Variants in HDAC2 observed in about 807,000 individuals in gnomAD.
HDAC2 encodes the protein YY1-associated factor 1.
Under a neutral mutation model 68.5 loss-of-function variants are expected in HDAC2, and 5 were observed. The observed-to-expected ratio is 0.07, with a 90% confidence interval of 0.04 to 0.15. HDAC2 has a LOEUF of 0.15. Among genes scored for constraint, HDAC2 ranks in the 10% least tolerant of loss-of-function variants. The pLI is 1.00. For synonymous variants in HDAC2, 182 were observed against 191.3 expected, an observed-to-expected ratio of 0.95 and a Z score of 0.40; for missense variants, 291 against 600.8, an observed-to-expected ratio of 0.48 and a Z score of 5.39.
chr6:113,968,867 C>A (rs2114625897), intron 1 of HDAC2, among the ~76,000 whole-genome samples: 1 of 152,292 alleles, frequency 6.6e-6, no homozygotes. Context: ...CTCAAGTGTA[C>A]CCTCCTGGTT....
At chr6:113,964,910 C>T (rs1459964463) in intron 1 of HDAC2, among the ~76,000 whole-genome samples, 1 of 152,188 alleles carries the variant, frequency 6.6e-6, no homozygotes, top group African/African-American at 2.4e-5. Context: ...TTCCTCAGCT[C>T]CAACTCCATT....
chr6:113,965,816 G>C (rs1776800645), intron 1 of HDAC2, among the ~76,000 whole-genome samples: 1 of 152,184 alleles, frequency 6.6e-6, no homozygotes. Context: ...ACAATAAGCA[G>C]ACTGCTACTG....
At chr6:113,956,548 T>C in intron 4 of HDAC2, 71 bp downstream of exon 4, 4 of 1,054,832 alleles carry the variant, frequency 3.8e-6, no homozygotes, top group Non-Finnish European at 5.9e-6. Context: ...ACTTCTGTTT[T>C]ACACAAATAA....
Position 113,958,694 on chromosome 6 carries a change from T to C in HDAC2, c.238A>G (p.Ile80Val). Residue 80 changes from isoleucine (I) to valine (V), a missense_variant, in exon 3 of 14, where the codon ATA becomes GTA. By Grantham distance (29) the Ile-to-Val change is conservative. This residue lies in a region of HDAC2 where 154 missense variants were observed against 472.1 expected (regional missense o/e 0.33). Coordinates refer to ENST00000519065, the MANE Select transcript of HDAC2 (RefSeq NM_001527.4). ...SDEYIKFLRS[I>V]RPDNMSEYSK... is the part of the protein sequence containing the mutation. ...TACTCAGACATGTTATCTGGTCTTA[T>C]TGACCGTAGAAATTTGATATACTCA... The C allele has an allele frequency of 1.2e-6, 2 of 1,607,832 alleles. No homozygotes were observed. The highest frequency in any genetic ancestry group is 8.5e-7 in the Non-Finnish European group (1 of 1,175,426).
At chr6:113,942,432 T>TAAAA (rs5879239) in intron 12 of HDAC2, among the ~76,000 whole-genome samples, 11 of 141,644 alleles carry the variant, frequency 7.8e-5, no homozygotes, top group Non-Finnish European at 1.2e-4. Context: ...CTCTCTAGTT[T>TAAAA]AAAAAAAAAA....
At chr6:113,951,363 A>T (rs1764476736) in intron 6 of HDAC2, among the ~76,000 whole-genome samples, 1 of 152,186 alleles carries the variant, frequency 6.6e-6, no homozygotes, top group Admixed American at 6.5e-5. Flanking sequence ...AAGTCCAAAA[A>T]CAGCTGTACA....
In HDAC2 at chr6:113,945,477, A is replaced by C; in HGVS notation, c.983-7T>G. 1 of 1,260,518 alleles carries C rather than the reference A, an allele frequency of 7.9e-7. No individual in the cohort carries two copies. 78.1% of individuals were successfully genotyped at this position (1,260,518 alleles called of 1,614,324 possible). A position where few individuals can be genotyped will look rare whatever the true frequency, so the allele number is the denominator to read the frequency against. ...TAATCATTATATGGCAACTCTAATGAAAACAATAAAATAAAGTTACATATT... is the reference window on the plus strand; with the variant it reads ...TAATCATTATATGGCAACTCTAATGCAAACAATAAAATAAAGTTACATATT... On this transcript the variant is annotated splice_polypyrimidine_tract_variant and splice_region_variant and intron_variant, in intron 9 of 13. Transcript: ENST00000519065.
chr6:113,964,397 G>A (rs1209412836), intron 1 of HDAC2, among the ~76,000 whole-genome samples: 5 of 151,626 alleles, frequency 3.3e-5, no homozygotes, highest in Non-Finnish European at 7.4e-5. Flanking sequence ...TGAGACATTC[G>A]GAGCCTTGGC....
intron 6 of HDAC2, among the ~76,000 whole-genome samples, chr6:113,951,587 C>A (rs1419086878): frequency 6.6e-6 from 1 of 151,830 alleles, no homozygotes; most frequent in African/African-American, 2.4e-5. Context: ...CCTGCCTCAG[C>A]CTCCCCAGTA....
intron 5 of HDAC2, among the ~76,000 whole-genome samples, chr6:113,953,690 C>T (rs1164862553): frequency 1.3e-5 from 2 of 152,144 alleles, no homozygotes. Context: ...GCACATATTT[C>T]TAATATATTA....
At chr6:113,966,388 TA>T (rs1426083314) in intron 1 of HDAC2, among the ~76,000 whole-genome samples, 1 of 151,564 alleles carries the variant, frequency 6.6e-6, no homozygotes, top group African/African-American at 2.4e-5. Flanking sequence ...CCATCTCTAC[TA>T]AAAAATACAA....
intron 11 of HDAC2, among the ~76,000 whole-genome samples, 157 bp downstream of exon 11, chr6:113,944,123 C>T (rs9481408): frequency 0.29 from 44,158 of 152,094 alleles, 6,538 homozygotes; most frequent in East Asian, 0.37. Context: ...AAATCAGGTT[C>T]TGAGACATCA....
At chr6:113,970,695 G>C in intron 1 of HDAC2, 162 bp downstream of exon 1, 2 of 1,369,042 alleles carry the variant, frequency 1.5e-6, no homozygotes, top group Non-Finnish European at 1.9e-6. Context: ...CAGGAAGAGG[G>C]TCTCGTTCTA....
At position 113,960,123 on chromosome 6, in the gene HDAC2, AATTT is replaced by A; in HGVS notation, c.53-109_53-106del. The A allele has an allele frequency of 7.3e-6, 5 of 684,184 alleles. No homozygotes were observed. In the East Asian group the frequency reaches 1.3e-4, roughly 18 times the overall value. The allele number at this position is 684,184 out of a possible 1,614,324, so 42.4% of individuals were successfully genotyped here. The stretch of plus-strand genomic sequence containing the variant: ...TTAGAAGGCATTTACTACTTAACAA[AATTT>A]ATTTAAAACCTTAGCAACTTAGATT... On this transcript the variant is annotated intron_variant, in intron 1 of 13. Transcript: ENST00000519065.
At chr6:113,964,761 G>C (rs564486889) in intron 1 of HDAC2, among the ~76,000 whole-genome samples, 29 of 152,238 alleles carry the variant, frequency 1.9e-4, no homozygotes, top group African/African-American at 6.5e-4. Flanking sequence ...CTTTTCACTT[G>C]AATTCAATAA....
intron 2 of HDAC2, 24 bp downstream of exon 2, chr6:113,959,882 A>G (rs1479963350): frequency 1.0e-6 from 1 of 955,164 alleles, no homozygotes; most frequent in East Asian, 2.4e-5. Context: ...TCAGTGCTGA[A>G]TATGTATTAA....
chr6:113,962,212 G>T (rs183456704), intron 1 of HDAC2, among the ~76,000 whole-genome samples: 35 of 152,076 alleles, frequency 2.3e-4, no homozygotes, highest in Admixed American at 2.2e-3. Context: ...TATTCCTATT[G>T]TATAATAGTA....
chr6:113,952,325 T>G (rs191105488), intron 6 of HDAC2, among the ~76,000 whole-genome samples: 57 of 152,288 alleles, frequency 3.7e-4, no homozygotes, highest in Middle Eastern at 6.8e-3. Context: ...AACCAAACAT[T>G]TGACCTCCCA....
chr6:113,956,671 T>C lies in HDAC2; in HGVS notation c.306A>G (p.Pro102=). The C allele has an allele frequency of 6.2e-7, 1 of 1,612,650 alleles. No individual in the cohort carries two copies. The highest frequency in any genetic ancestry group is 8.5e-7 in the Non-Finnish European group (1 of 1,178,768). ...AAAACTCAAAGAGTCCATCAAACACTGGACAATCTTCTCCAACATTAACTG... is the reference window on the plus strand; with the variant it reads ...AAAACTCAAAGAGTCCATCAAACACCGGACAATCTTCTCCAACATTAACTG... ...MQRFNVGEDC[P]VFDGLFEFCQ... is the part of the protein sequence containing the mutation. The change falls in exon 4 of 14, where the codon CCA becomes CCG. Residue 102 remains proline, a synonymous_variant. Coordinates refer to ENST00000519065, the MANE Select transcript of HDAC2 (RefSeq NM_001527.4).
Sources: allele counts gnomAD v4.1 joint callset (sites outside exome capture counted in the v4.1 genomes callset), GRCh38; gene constraint gnomAD v4.1.1; regional missense constraint gnomAD v4.1.1; transcripts MANE v1.5; gene names NCBI Gene and HGNC (gene_info 2026-07-23, HGNC 2026-07-21).